RFTN2: variants seen among roughly 807,000 people sequenced by gnomAD.
RFTN2 encodes raftlin-2.
In RFTN2, 34 loss-of-function variants were observed where a neutral mutation model predicts 52.7. That is an observed-to-expected ratio of 0.64 (90% CI 0.49 to 0.86). The LOEUF (loss-of-function observed/expected upper bound fraction) is 0.86, where lower values mean the gene tolerates loss of function less well. Ranked by LOEUF, RFTN2 falls within the 40% of genes least tolerant of loss-of-function variation. RFTN2 has a pLI of 0.00. For synonymous variants in RFTN2, 203 were observed against 217.7 expected, an observed-to-expected ratio of 0.93 and a Z score of 0.59; for missense variants, 536 against 600.1, an observed-to-expected ratio of 0.89 and a Z score of 1.12.
intron 7 of RFTN2, among the ~76,000 whole-genome samples, chr2:197,607,026 C>A (rs1413992654): frequency 6.6e-6 from 1 of 152,210 alleles, no homozygotes; most frequent in African/African-American, 2.4e-5. Flanking sequence ...AAGACACATG[C>A]ACACGTATGT....
intron 3 of RFTN2, among the ~76,000 whole-genome samples, chr2:197,638,078 C>T (rs2088599084): frequency 1.3e-5 from 2 of 151,590 alleles, no homozygotes; most frequent in African/African-American, 2.4e-5. Context: ...CTGAGTTCTA[C>T]TTTGTTTGCA....
intron 1 of RFTN2, among the ~76,000 whole-genome samples, chr2:197,665,313 C>T (rs1368810105): frequency 6.6e-6 from 1 of 151,986 alleles, no homozygotes; most frequent in African/African-American, 2.4e-5. Flanking sequence ...TCCAATGTTT[C>T]TTTGTTATTT....
chr2:197,650,135 G>A (rs529207051), intron 1 of RFTN2, among the ~76,000 whole-genome samples: 10 of 151,664 alleles, frequency 6.6e-5, no homozygotes, highest in Non-Finnish European at 1.2e-4. Context: ...AAAAATTGTA[G>A]GAAAAACAAA....
chr2:197,612,651 C>T (rs1376440377), intron 7 of RFTN2, among the ~76,000 whole-genome samples: 1 of 152,196 alleles, frequency 6.6e-6, no homozygotes. Flanking sequence ...GGACCAACAA[C>T]AATAACTCTG....
chr2:197,640,115 T>A (rs2106244507), intron 3 of RFTN2, among the ~76,000 whole-genome samples: 1 of 152,368 alleles, frequency 6.6e-6, no homozygotes, highest in Admixed American at 6.5e-5. Context: ...TCCAGCTGCG[T>A]GCTGGGAGAA....
intron 5 of RFTN2, among the ~76,000 whole-genome samples, chr2:197,620,187 TA>T (rs1159201273): frequency 6.5e-4 from 96 of 146,576 alleles, no homozygotes; most frequent in East Asian, 1.4e-3. Flanking sequence ...AATGATGGGT[TA>T]AAAAAAAAAA....
intron 1 of RFTN2, among the ~76,000 whole-genome samples, chr2:197,658,983 T>C (rs890004243): frequency 1.6e-4 from 25 of 152,296 alleles, no homozygotes; most frequent in African/African-American, 6.0e-4. Flanking sequence ...TCAAAGACTT[T>C]ATGCTCTTTT....
At chr2:197,616,293 T>TATTTG (rs2088142958) in intron 6 of RFTN2, among the ~76,000 whole-genome samples, 1 of 74,344 alleles carries the variant, frequency 1.3e-5, no homozygotes, top group African/African-American at 5.8e-5. Context: ...TATTTTATTT[T>TATTTG]ATTTTATTTT....
intron 7 of RFTN2, among the ~76,000 whole-genome samples, chr2:197,615,355 G>A (rs2106209816): frequency 6.6e-6 from 1 of 152,366 alleles, no homozygotes; most frequent in Non-Finnish European, 1.5e-5. Flanking sequence ...TGGGTCCCAG[G>A]AATAGCAAAG....
chr2:197,629,755 C>G (rs1005351136), intron 5 of RFTN2, among the ~76,000 whole-genome samples: 3 of 147,568 alleles, frequency 2.0e-5, no homozygotes, highest in African/African-American at 7.5e-5. Context: ...CAGTGTCTTA[C>G]TCTGTCACCC....
intron 8 of RFTN2, among the ~76,000 whole-genome samples, chr2:197,590,960 A>G (rs576348423): frequency 2.2e-4 from 34 of 152,326 alleles, no homozygotes; most frequent in African/African-American, 8.2e-4. Context: ...GCAGGTTGCC[A>G]CTGCTGGCTG....
chr2:197,608,536 A>C, intron 7 of RFTN2, among the ~76,000 whole-genome samples: 1 of 147,030 alleles, frequency 6.8e-6, no homozygotes, highest in East Asian at 2.0e-4. Flanking sequence ...CTGGTCTCAA[A>C]CTCCTGACCT....
At chr2:197,620,274 G>C (rs2088240052) in intron 5 of RFTN2, among the ~76,000 whole-genome samples, 1 of 152,094 alleles carries the variant, frequency 6.6e-6, no homozygotes, top group Admixed American at 6.5e-5. Context: ...GAAGTTTTAA[G>C]GGAGGGCCTC....
chr2:197,589,509 ATTCTC>A (rs2087662178), intron 8 of RFTN2, among the ~76,000 whole-genome samples: 1 of 151,998 alleles, frequency 6.6e-6, no homozygotes, highest in African/African-American at 2.4e-5. Context: ...ATTGCTCCTC[ATTCTC>A]CCCAGTTCTT....
Position 197,572,084 on chromosome 2 carries a change from C to G in RFTN2, c.1430G>C (p.Ser477Thr). The G allele has an allele frequency of 6.2e-7, 1 of 1,614,268 alleles. No homozygotes were observed. The highest frequency in any genetic ancestry group is 1.1e-5 in the South Asian group (1 of 91,092). Residue 477 changes from serine (S) to threonine (T), a missense_variant, in exon 9 of 9, where the codon AGT becomes ACT. By Grantham distance (58) the Ser-to-Thr change is moderately conservative. Coordinates refer to ENST00000295049, the MANE Select transcript of RFTN2 (RefSeq NM_144629.3). ...GTCTAATTCCCGGAGGACGTTGTCA[C>G]TGCTGCTGAACCCAGAGAAGCTGTT... The part of the protein sequence containing the change: ...QHNSFSGFSS[S>T]DNVLRELDDG...
intron 3 of RFTN2, among the ~76,000 whole-genome samples, chr2:197,643,542 T>C (rs2088703858): frequency 6.6e-6 from 1 of 152,262 alleles, no homozygotes; most frequent in Non-Finnish European, 1.5e-5. Context: ...GACGTTTCTT[T>C]CTTTTATATT....
At chr2:197,609,338 G>A (rs919581451) in intron 7 of RFTN2, among the ~76,000 whole-genome samples, 1 of 152,178 alleles carries the variant, frequency 6.6e-6, no homozygotes, top group Non-Finnish European at 1.5e-5. Flanking sequence ...ACTGGCATGA[G>A]ATGGTATCTC....
intron 5 of RFTN2, among the ~76,000 whole-genome samples, chr2:197,625,271 A>C (rs914506796): frequency 3.3e-5 from 5 of 152,234 alleles, no homozygotes; most frequent in South Asian, 2.1e-4. Context: ...ACAAGGCTGA[A>C]TATCCTGAGG....
intron 1 of RFTN2, among the ~76,000 whole-genome samples, chr2:197,662,481 A>G (rs1299162540): frequency 6.6e-6 from 1 of 152,212 alleles, no homozygotes; most frequent in Non-Finnish European, 1.5e-5. Context: ...GTCTATACCA[A>G]TACCATGCTG....
Sources: allele counts gnomAD v4.1 joint callset (sites outside exome capture counted in the v4.1 genomes callset), GRCh38; gene constraint gnomAD v4.1.1; transcripts MANE v1.5; gene names NCBI Gene and HGNC (gene_info 2026-07-23, HGNC 2026-07-21).